PRDM2: variants seen among roughly 807,000 people sequenced by gnomAD.
PRDM2 encodes PR/SET domain 2, also known as PR domain zinc finger protein 2.
A neutral mutation model predicts 130.0 loss-of-function variants in PRDM2; 30 were observed. The ratio of observed to expected loss-of-function variants is 0.23; its 90% CI spans 0.17 to 0.31. The LOEUF is 0.31. PRDM2 is among the 10% of genes least tolerant of loss of function. The pLI, the probability that PRDM2 is intolerant of heterozygous loss-of-function variation, is 1.00. For synonymous variants in PRDM2, 871 were observed against 782.4 expected, an observed-to-expected ratio of 1.11 and a Z score of -1.89; for missense variants, 2,011 against 2,108.4, an observed-to-expected ratio of 0.95 and a Z score of 0.90.
In PRDM2 at chr1:13,782,699, A is replaced by G. The variant is rs199603530; in HGVS notation, c.4904A>G (p.Asp1635Gly). 1.2e-6 allele frequency: 2 copies of G among 1,614,106 alleles called. No individual in the cohort carries two copies. The highest frequency in any genetic ancestry group is 1.3e-5 in the African/African-American group (1 of 75,034). The part of the protein sequence containing the change: ...KSTLASKKRT[D>G]RFNIKSRERS... The stretch of plus-strand genomic sequence containing the variant: ...ACCTTGGCGAGTAAGAAAAGAACAG[A>G]CCGGTTCAATATAAAATCTAGAGAG... Residue 1635 changes from aspartate (D) to glycine (G), a missense_variant, in exon 8 of 10, where the codon GAC becomes GGC. Asp to Gly is a moderately conservative substitution (Grantham distance 94). Around this residue, in one of 5 missense-constraint regions of PRDM2, gnomAD observed 410 missense variants for 395.9 expected, o/e 1.04. Transcript: ENST00000311066.
intron 6 of PRDM2, among the ~76,000 whole-genome samples, chr1:13,753,303 T>C (rs1182485816): frequency 6.6e-6 from 1 of 152,230 alleles, no homozygotes; most frequent in African/African-American, 2.4e-5. Flanking sequence ...ACAAGTTCCT[T>C]AAGGTCAGTT....
At chr1:13,757,985 G>T (rs922356898) in intron 6 of PRDM2, among the ~76,000 whole-genome samples, 1 of 152,012 alleles carries the variant, frequency 6.6e-6, no homozygotes, top group African/African-American at 2.4e-5. Context: ...ATTTTCCTAA[G>T]GAGGGGCACG....
intron 2 of PRDM2, among the ~76,000 whole-genome samples, chr1:13,730,205 C>G (rs754483269): frequency 8.5e-5 from 13 of 152,136 alleles, no homozygotes; most frequent in Non-Finnish European, 1.8e-4. Flanking sequence ...CTTGGTGTTC[C>G]TTTGATTTGA....
chr1:13,749,196 G>T (rs970739775), intron 5 of PRDM2, among the ~76,000 whole-genome samples, 165 bp from the exon 6 acceptor site: 2 of 151,122 alleles, frequency 1.3e-5, no homozygotes, highest in African/African-American at 4.8e-5. Context: ...GCGCCGGCGC[G>T]GCCCGCACGG....
chr1:13,722,882 C>A (rs779214254), intron 2 of PRDM2: 13 of 513,594 alleles, frequency 2.5e-5, no homozygotes, highest in Non-Finnish European at 5.1e-5. Flanking sequence ...TTCAAGAAGA[C>A]AAAAGGTTCA....
chr1:13,810,929 A>G (rs973421012), intron 8 of PRDM2, among the ~76,000 whole-genome samples: 5 of 151,658 alleles, frequency 3.3e-5, no homozygotes, highest in Non-Finnish European at 7.4e-5. Flanking sequence ...TCATGCTTAT[A>G]ATCCCAGCAC....
intron 4 of PRDM2, among the ~76,000 whole-genome samples, chr1:13,736,365 G>T (rs1476179453): frequency 6.6e-6 from 1 of 152,000 alleles, no homozygotes; most frequent in African/African-American, 2.4e-5. Context: ...CAAGCGATCT[G>T]CCCGTCTCAG....
rs772409861 is a variant in PRDM2, at chr1:13,780,426, T to C, written c.2631T>C (p.Ala877=). The C allele has an allele frequency of 6.2e-7, 1 of 1,614,236 alleles. No individual in the cohort carries two copies. Among genetic ancestry groups the C allele is most frequent in the South Asian group, 1.1e-5 (1 of 91,088 alleles). The change falls in exon 8 of 10, where the codon GCT becomes GCC. Residue 877 remains alanine, a synonymous_variant. Coordinates refer to ENST00000311066, the MANE Select transcript of PRDM2 (RefSeq NM_001393986.1). ...ATTCAGTGCAGCCTACGTGTAGTGC[T>C]GTAAAGAAAAGGAAACCAACCACCT... ...ESHSVQPTCS[A]VKKRKPTTCM...
Position 13,779,904 on chromosome 1 carries a change from T to A in PRDM2, c.2109T>A (p.Pro703=). 6.2e-7 allele frequency: 1 copy of A among 1,614,002 alleles called. No individual in the cohort carries two copies. The highest frequency in any genetic ancestry group is 8.5e-7 in the Non-Finnish European group (1 of 1,179,978). The change falls in exon 8 of 10, where the codon CCT becomes CCA. Residue 703 remains proline (P), a synonymous_variant. Transcript: ENST00000311066. The surrounding 1 kb of genome is among the most constrained non-coding windows in gnomAD (Gnocchi z 4.9). ...TTCAAACCCAAGATAAACTAACTCC[T>A]GCAGGGATTTCAGCAACTGAAATAG... The part of the protein sequence containing the change: ...QLLQTQDKLT[P]AGISATEIAK...
In PRDM2 at chr1:13,715,568, G is replaced by C; in HGVS notation, c.-38G>C. On this transcript the variant is annotated 5_prime_UTR_variant, in exon 2 of 10. Coordinates refer to ENST00000311066, the MANE Select transcript of PRDM2 (RefSeq NM_001393986.1). ...TTCATGTAATCAAAGAAGTTTCTTT[G>C]TTGTGTGTATCTTTACAGAACACAA... 3 of 1,539,486 alleles carry C rather than the reference G, an allele frequency of 1.9e-6. No individual in the cohort carries two copies. Among genetic ancestry groups the C allele is most frequent in the Non-Finnish European group, 2.6e-6 (3 of 1,145,464 alleles).
intron 8 of PRDM2, among the ~76,000 whole-genome samples, chr1:13,785,635 G>A (rs956122620): frequency 6.6e-6 from 1 of 151,362 alleles, no homozygotes; most frequent in African/African-American, 2.4e-5. Context: ...AGTCATTCAG[G>A]TTCTCCTGCT....
chr1:13,804,723 G>A (rs181217005), intron 8 of PRDM2, among the ~76,000 whole-genome samples: 21 of 152,312 alleles, frequency 1.4e-4, no homozygotes, highest in Admixed American at 5.2e-4. Flanking sequence ...ATCAGAACTT[G>A]TTGGGATAGA....
chr1:13,741,717 AGTTTGT>A (rs1161897308), intron 4 of PRDM2, among the ~76,000 whole-genome samples: 1 of 44,642 alleles, frequency 2.2e-5, no homozygotes, highest in Non-Finnish European at 4.1e-5. Context: ...TAGCTCTTTA[AGTTTGT>A]GTGTGTGTGT....
chr1:13,752,027 T>C (rs1643862315), intron 6 of PRDM2, among the ~76,000 whole-genome samples: 2 of 149,874 alleles, frequency 1.3e-5, no homozygotes, highest in African/African-American at 4.9e-5. Context: ...TGCTGTGTAC[T>C]AGGCACTCTG....
intron 8 of PRDM2, among the ~76,000 whole-genome samples, chr1:13,795,477 C>T (rs1307264046): frequency 1.3e-5 from 2 of 152,184 alleles, no homozygotes; most frequent in Admixed American, 1.3e-4. Flanking sequence ...GTCTGTGGAT[C>T]TAGGCGTGAG....
At chr1:13,705,981 C>CAAA (rs61072408) in intron 1 of PRDM2, among the ~76,000 whole-genome samples, 8 of 56,734 alleles carry the variant, frequency 1.4e-4, no homozygotes, top group East Asian at 5.8e-4. Flanking sequence ...GACTCCGTCT[C>CAAA]AAAAAAAAAA....
intron 6 of PRDM2, among the ~76,000 whole-genome samples, chr1:13,764,448 C>T (rs1453683302): frequency 6.6e-6 from 1 of 152,206 alleles, no homozygotes; most frequent in African/African-American, 2.4e-5. Flanking sequence ...CATGCCACAA[C>T]ACTTTTTGAG....
Position 13,823,320 on chromosome 1 carries a change from C to A in PRDM2, c.*185C>A. ...GTGTTCACGTGTTCTCGTGCGGGCG[C>A]GTGAGTGGTCTTCAAACGAGGGTCC... is the stretch of plus-strand genomic sequence containing the variant. On this transcript the variant is annotated 3_prime_UTR_variant, in exon 10 of 10. Transcript: ENST00000311066. The A allele has an allele frequency of 9.4e-7, 1 of 1,059,120 alleles. No homozygotes were observed. Among genetic ancestry groups the A allele is most frequent in the Non-Finnish European group, 1.4e-6 (1 of 706,086 alleles). The allele number at this position is 1,059,120 out of a possible 1,614,324, so 65.6% of individuals were successfully genotyped here. A position where few individuals can be genotyped will look rare whatever the true frequency, so the allele number is the denominator to read the frequency against.
chr1:13,716,651 T>C (rs1194245949), intron 2 of PRDM2, among the ~76,000 whole-genome samples: 1 of 152,180 alleles, frequency 6.6e-6, no homozygotes, highest in Non-Finnish European at 1.5e-5. Flanking sequence ...CTATGGATAT[T>C]TTCATAGCTT....
Sources: gnomAD v4.1 joint callset for allele counts (sites outside exome capture counted in the v4.1 genomes callset) on GRCh38, gnomAD v4.1.1 for gene constraint, gnomAD v4.1.1 regional missense constraint, Gnocchi (gnomAD v3.1) non-coding constraint, MANE v1.5 for transcripts, NCBI Gene and HGNC (gene_info 2026-07-23, HGNC 2026-07-21) for gene names.